DEF6: variants seen among roughly 807,000 people sequenced by gnomAD.
The protein encoded by DEF6 is differentially expressed in FDCP 6 homolog.
In DEF6, 32 loss-of-function variants were observed where a neutral mutation model predicts 80.5. That is an observed-to-expected ratio of 0.40 (90% confidence interval 0.30 to 0.53). DEF6 has a LOEUF of 0.53. Ranked by LOEUF, DEF6 falls within the 20% of genes least tolerant of loss-of-function variation. The pLI, the probability that DEF6 is intolerant of heterozygous loss-of-function variation, is 0.57. For synonymous variants in DEF6, 300 were observed against 337.9 expected, an observed-to-expected ratio of 0.89 and a Z score of 1.23; for missense variants, 575 against 818.7, an observed-to-expected ratio of 0.70 and a Z score of 3.63.
intron 9 of DEF6, among the ~76,000 whole-genome samples, 198 bp downstream of exon 9, chr6:35,320,215 G>T (rs1387396872): frequency 6.6e-6 from 1 of 152,220 alleles, no homozygotes; most frequent in African/African-American, 2.4e-5. Context: ...GATTAAATGA[G>T]ATGATACATG....
rs1791566690 is a variant in DEF6, at chr6:35,319,787, T to C, written c.1383-32T>C. On this transcript the variant is annotated intron_variant, in intron 8 of 10. Coordinates refer to ENST00000316637, the MANE Select transcript of DEF6 (RefSeq NM_022047.4). The surrounding 1 kb of genome is among the most constrained non-coding windows in gnomAD (Gnocchi z 4.5). ...GTGCACCTGCAAGGTGCCTTGGCAC[T>C]AGAGGCTACACAGTACACACTCACC... The C allele has an allele frequency of 1.2e-6, 2 of 1,608,230 alleles. No homozygotes were observed. Among genetic ancestry groups the C allele is most frequent in the African/African-American group, 1.3e-5 (1 of 74,758 alleles).
In DEF6 at chr6:35,318,059, G is replaced by A. The variant is rs949858315; in HGVS notation, c.916+60G>A. The A allele has an allele frequency of 1.3e-6, 2 of 1,569,170 alleles. No individual in the cohort carries two copies. The highest frequency in any genetic ancestry group is 1.7e-6 in the Non-Finnish European group (2 of 1,156,424). ...TCCTTAGGCGCCTCATCTGTGAAAA[G>A]GGGGTGATAATACTTTGTCCAGCGG... On this transcript the variant is annotated intron_variant, in intron 6 of 10. Transcript: ENST00000316637. This position sits in a 1 kb window ranked among gnomAD's most constrained non-coding sequence, Gnocchi z 5.1.
At chr6:35,321,133 C>A in intron 10 of DEF6, 54 bp from the exon 11 acceptor site, 1 of 1,581,754 alleles carries the variant, frequency 6.3e-7, no homozygotes. Context: ...CAAGGCCCCT[C>A]GCCTCTCACC....
chr6:35,309,579 G>A, intron 1 of DEF6, 91 bp from the exon 2 acceptor site: 2 of 1,469,260 alleles, frequency 1.4e-6, no homozygotes, highest in Non-Finnish European at 1.9e-6. Context: ...GCCAGGATGG[G>A]GTGAGGACAA....
At chr6:35,304,953 T>C (rs1791370262) in intron 1 of DEF6, among the ~76,000 whole-genome samples, 1 of 150,194 alleles carries the variant, frequency 6.7e-6, no homozygotes, top group Admixed American at 6.6e-5. Flanking sequence ...AATATAATGT[T>C]AATGAAGAAA....
chr6:35,318,096 G>T lies in DEF6; in HGVS notation c.917-77G>T, dbSNP rs1419313860. 6.5e-7 allele frequency: 1 copy of T among 1,539,920 alleles called. No homozygotes were observed. The highest frequency in any genetic ancestry group is 8.8e-7 in the Non-Finnish European group (1 of 1,142,808). ...ACTTTGTCCAGCGGGAGGTTGGAGA[G>T]TGGACTCGGGAAACTCCTAAGGCCC... On this transcript the variant is annotated intron_variant, in intron 6 of 10. Transcript: ENST00000316637. The surrounding 1 kb of genome is among the most constrained non-coding windows in gnomAD (Gnocchi z 5.1).
Position 35,309,801 on chromosome 6 carries a change from C to A in DEF6, c.228C>A (p.Ile76=). Residue 76 remains isoleucine (I), a synonymous_variant, in exon 2 of 11, where the codon ATC becomes ATA. Transcript: ENST00000316637. ...QGYMPYLNKY[I]LDKVEEGAFV... Reference sequence around the variant, plus strand: ...ACATGCCCTACCTCAACAAGTACATCCTGGACAAGGTGGGGCCCAGCTTGT... The same window carrying A: ...ACATGCCCTACCTCAACAAGTACATACTGGACAAGGTGGGGCCCAGCTTGT... 6.2e-7 allele frequency: 1 copy of A among 1,614,020 alleles called. No homozygotes were observed. The highest frequency in any genetic ancestry group is 8.5e-7 in the Non-Finnish European group (1 of 1,179,952).
rs190026036 is a variant in DEF6 at position 35,311,835 on chromosome 6, T to A, written c.424-467T>A. Among the ~76,000 whole-genome samples, 263 of 152,180 alleles carry A rather than the reference T, an allele frequency of 1.7e-3. 1 individual carries two copies. Among genetic ancestry groups the A allele is most frequent in the Non-Finnish European group, 3.3e-3 (223 of 67,988 alleles). On this transcript the variant is annotated intron_variant, in intron 3 of 10. Coordinates refer to ENST00000316637, the MANE Select transcript of DEF6 (RefSeq NM_022047.4). ...ATCCCCAGGGTTGGGGATTGGGGCTTGGAATAAGGACCTGAATGGGATTCA... is the reference window on the plus strand; with the variant it reads ...ATCCCCAGGGTTGGGGATTGGGGCTAGGAATAAGGACCTGAATGGGATTCA...
chr6:35,301,757 T>G (rs1162939123), intron 1 of DEF6, among the ~76,000 whole-genome samples: 2 of 141,088 alleles, frequency 1.4e-5, no homozygotes, highest in Non-Finnish European at 3.0e-5. Flanking sequence ...GACAGAGTCT[T>G]GCTCTGTCAC....
rs1791552027 is a variant in DEF6 at position 35,318,613 on chromosome 6, ATTG to A, written c.1215+146_1215+148del. 1 of 790,694 alleles carries A rather than the reference ATTG, an allele frequency of 1.3e-6. No homozygotes were observed. Among genetic ancestry groups the A allele is most frequent in the South Asian group, 3.5e-5 (1 of 28,926 alleles). 49.0% of individuals were successfully genotyped at this position (790,694 alleles called of 1,614,324 possible). On this transcript the variant is annotated intron_variant, in intron 7 of 10. Transcript: ENST00000316637. This position sits in a 1 kb window ranked among gnomAD's most constrained non-coding sequence, Gnocchi z 5.1. Reference sequence around the variant, plus strand: ...ACTGGGGTGGAGCTTGAAATGAGGGATTGTTGGGACAGAGTCCGCGGGTTTGAA... The same window carrying A: ...ACTGGGGTGGAGCTTGAAATGAGGGATTGGGACAGAGTCCGCGGGTTTGAA...
chr6:35,317,947 C>T lies in DEF6; in HGVS notation c.864C>T (p.Arg288=), dbSNP rs1345991117. The part of the protein sequence containing the change: ...RCMFCVKTAN[R]TYEMSASDTR... ...TGTTCTGTGTGAAGACAGCCAACCG[C>T]ACGTATGAGATGAGCGCCTCAGACA... Residue 288 remains arginine (R), a synonymous_variant, in exon 6 of 11, where the codon CGC becomes CGT. Transcript: ENST00000316637. 6.2e-7 allele frequency: 1 copy of T among 1,614,016 alleles called. No individual in the cohort carries two copies. Among genetic ancestry groups the T allele is most frequent in the Admixed American group, 1.7e-5 (1 of 60,020 alleles).
At chr6:35,298,393 G>T (rs1292672606) in intron 1 of DEF6, among the ~76,000 whole-genome samples, 3 of 152,078 alleles carry the variant, frequency 2.0e-5, no homozygotes, top group Non-Finnish European at 4.4e-5. Flanking sequence ...CTCTGGAGCT[G>T]AGAGAGGCAT....
At chr6:35,310,859 C>T (rs1483369466) in intron 3 of DEF6, among the ~76,000 whole-genome samples, 3 of 152,206 alleles carry the variant, frequency 2.0e-5, no homozygotes, top group Non-Finnish European at 2.9e-5. Context: ...ACTGAAATTA[C>T]ACTTTCATGA....
At chr6:35,313,371 G>T (rs745857168) in intron 5 of DEF6, 3 of 404,640 alleles carry the variant, frequency 7.4e-6, no homozygotes, top group South Asian at 3.6e-5. Flanking sequence ...ATATTTTCAG[G>T]GTACATGTGA....
In DEF6 at chr6:35,298,082, G is replaced by A. The variant is rs895335325; in HGVS notation, c.96+130G>A. ...CATCCAGCGTCCCGGGCCTGGGGTCGGGGGGCTGGTCCTGGGTAACTGGGC... is the reference window on the plus strand; with the variant it reads ...CATCCAGCGTCCCGGGCCTGGGGTCAGGGGGCTGGTCCTGGGTAACTGGGC... On this transcript the variant is annotated intron_variant, in intron 1 of 10. Transcript: ENST00000316637. 5.8e-5 allele frequency: 48 copies of A among 825,056 alleles called. No individual in the cohort carries two copies. The East Asian group carries it at 1.1e-3, about 19-fold the overall frequency. The allele number at this position is 825,056 out of a possible 1,614,324, so 51.1% of individuals were successfully genotyped here. A position where few individuals can be genotyped will look rare whatever the true frequency, so the allele number is the denominator to read the frequency against.
At chr6:35,304,226 T>G (rs751781740) in intron 1 of DEF6, among the ~76,000 whole-genome samples, 1 of 152,052 alleles carries the variant, frequency 6.6e-6, no homozygotes, top group Non-Finnish European at 1.5e-5. Flanking sequence ...GAGGCTGATA[T>G]GGGAAGATCA....
At chr6:35,314,324 C>T (rs1791501250) in intron 5 of DEF6, among the ~76,000 whole-genome samples, 1 of 149,960 alleles carries the variant, frequency 6.7e-6, no homozygotes, top group African/African-American at 2.5e-5. Context: ...AGGAGAATCG[C>T]TTGAACCTGG....
At chr6:35,310,362 G>C in intron 2 of DEF6, 97 bp from the exon 3 acceptor site, 1 of 1,345,126 alleles carries the variant, frequency 7.4e-7, no homozygotes, top group Non-Finnish European at 1.0e-6. Context: ...GCCAGGTGGG[G>C]AGCAGGGGCA....
At chr6:35,308,967 C>T (rs1181150985) in intron 1 of DEF6, among the ~76,000 whole-genome samples, 1 of 152,170 alleles carries the variant, frequency 6.6e-6, no homozygotes, top group African/African-American at 2.4e-5. Context: ...ACCCACATTT[C>T]CCCTGCACAC....
Sources: gnomAD v4.1 joint callset for allele counts (sites outside exome capture counted in the v4.1 genomes callset) on GRCh38, gnomAD v4.1.1 for gene constraint, Gnocchi (gnomAD v3.1) non-coding constraint, MANE v1.5 for transcripts, NCBI Gene and HGNC (gene_info 2026-07-23, HGNC 2026-07-21) for gene names.